FABP12: variants seen among roughly 807,000 people sequenced by gnomAD.
FABP12 encodes fatty acid binding protein 12, also known as fatty acid-binding protein 12.
Under a neutral mutation model 13.7 loss-of-function variants are expected in FABP12, and 19 were observed. The observed-to-expected ratio is 1.39, with a 90% confidence interval of 0.97 to 2.04. FABP12 has a LOEUF of 2.04. Ranked by LOEUF, FABP12 falls within the 30% of genes most tolerant of loss-of-function variation. The probability of loss-of-function intolerance (pLI) is 0.00; values close to 1 mark genes in which losing one functional copy is unlikely to be tolerated. For synonymous variants in FABP12, 61 were observed against 57.0 expected (o/e 1.07, Z -0.32); for missense variants, 182 against 164.2 (o/e 1.11, Z -0.59).
At chr8:81,548,030 G>A (rs949356341) in intron 1 of FABP12, among the ~76,000 whole-genome samples, 1 of 152,118 alleles carries the variant, frequency 6.6e-6, no homozygotes, top group African/African-American at 2.4e-5. Context: ...GGGTACCAGA[G>A]ATATACCATG....
intron 1 of FABP12, among the ~76,000 whole-genome samples, chr8:81,568,699 C>G (rs1027762469): frequency 2.0e-5 from 3 of 152,182 alleles, no homozygotes; most frequent in African/African-American, 7.2e-5. Context: ...GCAGCACTAT[C>G]CACAATTGCC....
At position 81,527,131 on chromosome 8, in the gene FABP12, AG is replaced by A. The variant is rs1204815047; in HGVS notation, c.247-11del. On this transcript the variant is annotated splice_polypyrimidine_tract_variant and intron_variant, in intron 3 of 4. Transcript: ENST00000360464. ...CTAAGGTTACTTTACTCTGAAAAACAGAAAAAACTAAATTCAGATCAGCTTG... is the reference window on the plus strand; with the variant it reads ...CTAAGGTTACTTTACTCTGAAAAACAAAAAAACTAAATTCAGATCAGCTTG... 10 of 1,483,876 alleles carry A rather than the reference AG, an allele frequency of 6.7e-6. No individual in the cohort carries two copies. The highest frequency in any genetic ancestry group is 9.3e-6 in the Non-Finnish European group (10 of 1,076,948). The allele number at this position is 1,483,876 out of a possible 1,614,324, so 91.9% of individuals were successfully genotyped here. A position where few individuals can be genotyped will look rare whatever the true frequency, so the allele number is the denominator to read the frequency against.
intron 3 of FABP12, among the ~76,000 whole-genome samples, chr8:81,528,910 G>A (rs572358460): frequency 6.6e-6 from 1 of 152,138 alleles, no homozygotes; most frequent in Non-Finnish European, 1.5e-5. Flanking sequence ...AGAGATTAGG[G>A]GGAGCAGATT....
At chr8:81,570,004 A>C (rs1447870046) in intron 1 of FABP12, among the ~76,000 whole-genome samples, 1 of 152,224 alleles carries the variant, frequency 6.6e-6, no homozygotes, top group Non-Finnish European at 1.5e-5. Context: ...TGCAAGGAGC[A>C]TGGGGTCTGG....
intron 2 of FABP12, among the ~76,000 whole-genome samples, chr8:81,530,092 T>C (rs1325915780): frequency 6.6e-6 from 1 of 152,212 alleles, no homozygotes; most frequent in Non-Finnish European, 1.5e-5. Context: ...TATGTTTTTA[T>C]TGTGGTAAAA....
chr8:81,577,260 G>A (rs185458839), intron 1 of FABP12, among the ~76,000 whole-genome samples: 161 of 152,224 alleles, frequency 1.1e-3, no homozygotes, highest in African/African-American at 3.5e-3. Flanking sequence ...GACATACACT[G>A]AACACAGATT....
chr8:81,547,416 C>A (rs903426248), intron 1 of FABP12, among the ~76,000 whole-genome samples: 6 of 152,258 alleles, frequency 3.9e-5, no homozygotes, highest in African/African-American at 1.4e-4. Context: ...AGGTTTGGGA[C>A]CAAATGAGTT....
chr8:81,577,706 A>T lies in FABP12; in HGVS notation c.-185+12347T>A, dbSNP rs2556577. Reference sequence around the variant, plus strand: ...AACCCGGGAGGTGGAGGTTGCAGTGAGCCGAGATTCCGCCATGCACTCTAG... The same window carrying T: ...AACCCGGGAGGTGGAGGTTGCAGTGTGCCGAGATTCCGCCATGCACTCTAG... On this transcript the variant is annotated intron_variant, in intron 1 of 5. Transcript: ENST00000692030. Among the ~76,000 whole-genome samples, 8 of 152,230 alleles carry T rather than the reference A, an allele frequency of 5.3e-5. No homozygotes were observed. The East Asian group carries it at 5.8e-4, about 11-fold the overall frequency.
intron 1 of FABP12, among the ~76,000 whole-genome samples, chr8:81,557,467 T>G (rs1382187999): frequency 6.6e-6 from 1 of 152,214 alleles, no homozygotes; most frequent in Non-Finnish European, 1.5e-5. Flanking sequence ...CATTTTCCAC[T>G]GAATGTGGGT....
chr8:81,526,849 A>G (rs1470307072), intron 4 of FABP12, among the ~76,000 whole-genome samples, 171 bp downstream of exon 4: 1 of 152,238 alleles, frequency 6.6e-6, no homozygotes. Context: ...CTCAATCCAC[A>G]CACATTTTAT....
At chr8:81,547,000 G>T (rs1242076903) in intron 1 of FABP12, among the ~76,000 whole-genome samples, 1 of 152,126 alleles carries the variant, frequency 6.6e-6, no homozygotes, top group Non-Finnish European at 1.5e-5. Context: ...AAACTCACTT[G>T]TTCCTTTTAT....
intron 1 of FABP12, among the ~76,000 whole-genome samples, chr8:81,540,111 C>A (rs1809311054): frequency 1.3e-5 from 2 of 152,204 alleles, no homozygotes; most frequent in South Asian, 4.1e-4. Context: ...ATGTTCTAGA[C>A]CAGTAGTTCT....
At chr8:81,579,161 C>T (rs1011422270) in intron 1 of FABP12, among the ~76,000 whole-genome samples, 2 of 151,906 alleles carry the variant, frequency 1.3e-5, no homozygotes, top group Non-Finnish European at 2.9e-5. Context: ...TTCACTTTTT[C>T]ATTATAAGGA....
At chr8:81,562,191 C>T (rs1232338806) in intron 1 of FABP12, among the ~76,000 whole-genome samples, 1 of 152,206 alleles carries the variant, frequency 6.6e-6, no homozygotes, top group East Asian at 1.9e-4. Context: ...AGGGAACCTG[C>T]TGCCTTGAAG....
chr8:81,570,890 C>T (rs1394155820), intron 1 of FABP12, among the ~76,000 whole-genome samples: 1 of 152,136 alleles, frequency 6.6e-6, no homozygotes, highest in Non-Finnish European at 1.5e-5. Context: ...ACTGGAAGCC[C>T]AGCCCCCAGC....
chr8:81,528,741 A>G (rs942453693), intron 3 of FABP12, among the ~76,000 whole-genome samples: 1 of 152,192 alleles, frequency 6.6e-6, no homozygotes, highest in Non-Finnish European at 1.5e-5. Flanking sequence ...ATAAATAAAT[A>G]ATATATTCCT....
At chr8:81,533,235 C>G (rs1301341993) in intron 1 of FABP12, 1 of 152,276 alleles carries the variant, frequency 6.6e-6, no homozygotes, top group African/African-American at 2.4e-5. Context: ...GTCACATCAG[C>G]TCAGAGACTG....
chr8:81,529,098 A>G (rs1158285073), intron 3 of FABP12, among the ~76,000 whole-genome samples: 1 of 152,198 alleles, frequency 6.6e-6, no homozygotes, highest in African/African-American at 2.4e-5. Context: ...CTGTAATTCT[A>G]TGTGTAGAAA....
exon 3 of FABP12, chr8:81,529,606 T>C: frequency 6.2e-7 from 1 of 1,612,436 alleles, no homozygotes; most frequent in Non-Finnish European, 8.5e-7. Flanking sequence ...TGGCTCTTCC[T>C]ATACCTGGAA....
Sources: gnomAD v4.1 joint callset for allele counts (sites outside exome capture counted in the v4.1 genomes callset) on GRCh38, gnomAD v4.1.1 for gene constraint, MANE v1.5 for transcripts, NCBI Gene and HGNC (gene_info 2026-07-23, HGNC 2026-07-21) for gene names.